ZNF800: variants seen among roughly 807,000 people sequenced by gnomAD.
The protein encoded by ZNF800 is zinc finger protein 800.
ZNF800 carries 13 observed loss-of-function variants against 59.5 expected under a neutral mutation model. The observed-to-expected ratio is 0.22, with a 90% CI of 0.14 to 0.35. ZNF800 has a LOEUF of 0.35. Ranked by LOEUF, ZNF800 falls within the 10% of genes least tolerant of loss-of-function variation. The pLI, the probability that ZNF800 is intolerant of heterozygous loss-of-function variation, is 1.00. For missense variants in ZNF800, 621 were observed against 783.7 expected, an observed-to-expected ratio of 0.79 and a Z score of 2.48; for synonymous variants, 266 against 265.7, an observed-to-expected ratio of 1.00 and a Z score of -0.01.
Position 127,370,756 on chromosome 7 carries a change from A to G in ZNF800, c.*1058T>C, listed in dbSNP as rs1051169807. The G allele has an allele frequency of 2.2e-4, 33 of 152,688 alleles. No homozygotes were observed. The highest frequency in any genetic ancestry group is 8.3e-4 in the South Asian group (4 of 4,828). The allele number at this position is 152,688 out of a possible 1,614,324, so 9.5% of individuals were successfully genotyped here. A position where few individuals can be genotyped will look rare whatever the true frequency, so the allele number is the denominator to read the frequency against. ...AAAACCTGCCCAAAATTTCATAAAG[A>G]TAGATGTACTTCTGTTTTTCCTAAA... On this transcript the variant is annotated 3_prime_UTR_variant, in exon 6 of 6. Transcript: ENST00000265827.
rs754478546 is a variant in ZNF800 at position 127,374,278 on chromosome 7, T to A, written c.1058A>T (p.Glu353Val). The A allele has an allele frequency of 3.9e-5, 63 of 1,613,702 alleles. No homozygotes were observed. In the Admixed American group the frequency reaches 1.0e-3, roughly 26 times the overall value. The change falls in exon 5 of 6, where the codon GAA (glutamate) becomes GTA (valine). Residue 353 changes from glutamate (E) to valine (V), a missense_variant. Coordinates refer to ENST00000265827, the MANE Select transcript of ZNF800 (RefSeq NM_176814.5). Reference sequence around the variant, plus strand: ...GCATTTGCATGCAGTTAAATTGTATTCAGCCTTTGAAGAAGACTTTTGTTT... The same window carrying A: ...GCATTTGCATGCAGTTAAATTGTATACAGCCTTTGAAGAAGACTTTTGTTT... ...TRKQKSSSKAEYNLTACKCLL... is the reference protein window; with the variant it reads ...TRKQKSSSKAVYNLTACKCLL...
At chr7:127,372,892 ATT>A (rs1019194138) in intron 5 of ZNF800, 3 of 984,990 alleles carry the variant, frequency 3.0e-6, no homozygotes, top group Non-Finnish European at 3.6e-6. Context: ...GCCTCAAAAG[ATT>A]TTTTCCTATA....
At chr7:127,344,559 C>T (rs1463553721), downstream of ZNF800, among the ~76,000 whole-genome samples, 2 of 151,656 alleles carry the variant, frequency 1.3e-5, no homozygotes, top group African/African-American at 2.4e-5. Context: ...AAAAATATAG[C>T]CAAAAATATT....
intron 1 of ZNF800, chr7:127,364,242 T>G (rs1751888938): frequency 2.0e-5 from 3 of 152,124 alleles, no homozygotes; most frequent in Admixed American, 2.0e-4. Flanking sequence ...ATTTATGTGG[T>G]GACCTTCAAG....
At chr7:127,349,921 C>G (rs1489997026) in intron 1 of ZNF800, 1 of 152,150 alleles carries the variant, frequency 6.6e-6, no homozygotes, top group South Asian at 2.1e-4. Flanking sequence ...TTTTTGGAGT[C>G]CCTATTATGT....
In ZNF800 at chr7:127,374,490, T is replaced by C; in HGVS notation, c.846A>G (p.Leu282=). 3 of 1,614,148 alleles carry C rather than the reference T, an allele frequency of 1.9e-6. No individual in the cohort carries two copies. Among genetic ancestry groups the C allele is most frequent in the Non-Finnish European group, 2.5e-6 (3 of 1,179,994 alleles). ...CTGGACAACTCCTACTTAATGGAAC[T>C]AGAACATTCTTACTGCGTCCTTTAG... is the stretch of plus-strand genomic sequence containing the variant. ...QSSKGRSKNV[L]VPLSRSCPVC... The change falls in exon 5 of 6, where the codon CTA becomes CTG. Residue 282 remains leucine, a synonymous_variant. Coordinates refer to ENST00000265827, the MANE Select transcript of ZNF800 (RefSeq NM_176814.5).
intron 2 of ZNF800, among the ~76,000 whole-genome samples, chr7:127,389,071 G>C (rs1213036158): frequency 6.6e-6 from 1 of 152,148 alleles, no homozygotes; most frequent in Non-Finnish European, 1.5e-5. Context: ...ATTGACTTTT[G>C]TAAGAGTCTC....
Position 127,374,738 on chromosome 7 carries a change from TAACAATCTC to T in ZNF800, c.589_597del (p.Glu197_Val199del). 1 of 1,614,050 alleles carries T rather than the reference TAACAATCTC, an allele frequency of 6.2e-7. No homozygotes were observed. Among genetic ancestry groups the T allele is most frequent in the Non-Finnish European group, 8.5e-7 (1 of 1,179,954 alleles). ...TCAGATGTAGGTGCAACTTCATCTG[TAACAATCTC>T]AACAGGAGGGGGCTCTACAGTTTCC... On this transcript the variant is annotated inframe_deletion, in exon 5 of 6. Coordinates refer to ENST00000265827, the MANE Select transcript of ZNF800 (RefSeq NM_176814.5).
At chr7:127,360,015 A>G (rs1176704068) in intron 1 of ZNF800, 2 of 152,092 alleles carry the variant, frequency 1.3e-5, no homozygotes, top group African/African-American at 4.8e-5. Context: ...CGGACATCAC[A>G]TGGAGCTCGC....
downstream of ZNF800, among the ~76,000 whole-genome samples, chr7:127,365,851 C>T (rs1800494445): frequency 6.6e-6 from 1 of 152,064 alleles, no homozygotes; most frequent in Non-Finnish European, 1.5e-5. Flanking sequence ...AATGGCAAAG[C>T]AAGATAACCA....
At chr7:127,357,115 G>A (rs1800286373) in intron 1 of ZNF800, among the ~76,000 whole-genome samples, 1 of 152,024 alleles carries the variant, frequency 6.6e-6, no homozygotes, top group Admixed American at 6.6e-5. Flanking sequence ...GTACCCACTG[G>A]CCTGGAGGTA....
intron 4 of ZNF800, 80 bp from the exon 5 acceptor site, chr7:127,375,114 C>T: frequency 2.6e-6 from 3 of 1,168,762 alleles, no homozygotes; most frequent in Non-Finnish European, 3.5e-6. Context: ...ATATTATGAA[C>T]CTCTATCTCA....
chr7:127,353,988 T>C (rs1800221013), intron 1 of ZNF800, among the ~76,000 whole-genome samples: 1 of 152,128 alleles, frequency 6.6e-6, no homozygotes, highest in African/African-American at 2.4e-5. Flanking sequence ...CATTTGAGGT[T>C]GGAGATTTTA....
At chr7:127,384,383 G>A (rs891461285) in intron 3 of ZNF800, among the ~76,000 whole-genome samples, 8 of 151,228 alleles carry the variant, frequency 5.3e-5, no homozygotes, top group African/African-American at 1.5e-4. Flanking sequence ...ACAGGCGCCC[G>A]CCGCCGCCCC....
chr7:127,358,818 C>A (rs1800336802), intron 1 of ZNF800, among the ~76,000 whole-genome samples: 1 of 152,042 alleles, frequency 6.6e-6, no homozygotes, highest in South Asian at 2.1e-4. Context: ...GTGCCTCGCA[C>A]GAAGCAGGAG....
At chr7:127,353,456 T>C (rs1800208574) in intron 1 of ZNF800, among the ~76,000 whole-genome samples, 1 of 152,222 alleles carries the variant, frequency 6.6e-6, no homozygotes, top group Admixed American at 6.5e-5. Context: ...ACATCAAGAA[T>C]ATGATCTTAC....
downstream of ZNF800, among the ~76,000 whole-genome samples, chr7:127,344,019 C>A (rs1800014856): frequency 6.6e-6 from 1 of 151,880 alleles, no homozygotes; most frequent in Non-Finnish European, 1.5e-5. Context: ...CATTTAAAAG[C>A]TGGTAAAATT....
At chr7:127,353,795 C>G in intron 1 of ZNF800, among the ~76,000 whole-genome samples, 1 of 151,780 alleles carries the variant, frequency 6.6e-6, no homozygotes. Flanking sequence ...CTGACAGGCT[C>G]TATTTTTCTC....
At chr7:127,359,954 G>GT (rs1800363925) in intron 1 of ZNF800, 1 of 151,748 alleles carries the variant, frequency 6.6e-6, no homozygotes, top group Admixed American at 6.6e-5. Context: ...AATGTAGATG[G>GT]TTATTATTTA....
Sources: gnomAD v4.1 joint callset for allele counts (sites outside exome capture counted in the v4.1 genomes callset) on GRCh38, gnomAD v4.1.1 for gene constraint, MANE v1.5 for transcripts, NCBI Gene and HGNC (gene_info 2026-07-23, HGNC 2026-07-21) for gene names.